CRKL: variants seen among roughly 807,000 people sequenced by gnomAD.
The protein encoded by CRKL is CRK like proto-oncogene, adaptor protein.
A neutral mutation model predicts 23.0 loss-of-function variants in CRKL; 3 were observed. That is an observed-to-expected ratio of 0.13 (90% confidence interval 0.06 to 0.34). The LOEUF (loss-of-function observed/expected upper bound fraction) is 0.34. Ranked by LOEUF, CRKL falls within the 10% of genes least tolerant of loss-of-function variation. The pLI is 1.00. For missense variants in CRKL, 256 were observed against 394.5 expected (o/e 0.65, Z 2.97); for synonymous variants, 188 against 160.7 (o/e 1.17, Z -1.28).
At position 20,917,696 on chromosome 22, in the gene CRKL, G is replaced by A; in HGVS notation, c.-239G>A. The A allele has an allele frequency of 1.8e-6, 1 of 547,214 alleles. No individual in the cohort carries two copies. Among genetic ancestry groups the A allele is most frequent in the South Asian group, 2.4e-5 (1 of 41,088 alleles). 33.9% of individuals were successfully genotyped at this position (547,214 alleles called of 1,614,324 possible). ...CGGGTTTGCCTGCCCCGACCCCCCG[G>A]CTCTGCCGTGCATTCCCGGGCGGCT... On this transcript the variant is annotated 5_prime_UTR_variant, in exon 1 of 3. Coordinates refer to ENST00000354336, the MANE Select transcript of CRKL (RefSeq NM_005207.4).
Position 20,952,616 on chromosome 22 carries a change from TC to T in CRKL, c.*2773del, listed in dbSNP as rs1728050222. Reference sequence around the variant, plus strand: ...CACTGGTCTGGGAAGACTGTTGTGCTCCATAGAGCAGTGCACATCTGACCCA... The same window carrying T: ...CACTGGTCTGGGAAGACTGTTGTGCTCATAGAGCAGTGCACATCTGACCCA... On this transcript the variant is annotated 3_prime_UTR_variant, in exon 3 of 3. Coordinates refer to ENST00000354336, the MANE Select transcript of CRKL (RefSeq NM_005207.4). 4.3e-6 allele frequency: 1 copy of T among 232,686 alleles called. No individual in the cohort carries two copies. The highest frequency in any genetic ancestry group is 5.6e-5 in the Admixed American group (1 of 17,764). 14.4% of individuals were successfully genotyped at this position (232,686 alleles called of 1,614,324 possible). A position where few individuals can be genotyped will look rare whatever the true frequency, so the allele number is the denominator to read the frequency against.
At chr22:20,942,240 C>T (rs932312104) in intron 2 of CRKL, among the ~76,000 whole-genome samples, 1 of 152,174 alleles carries the variant, frequency 6.6e-6, no homozygotes, top group Non-Finnish European at 1.5e-5. Context: ...CAGATTGTAG[C>T]ATATATCAAA....
chr22:20,925,977 A>G (rs548610962), intron 1 of CRKL, among the ~76,000 whole-genome samples: 1 of 152,344 alleles, frequency 6.6e-6, no homozygotes, highest in African/African-American at 2.4e-5. Context: ...GTCTATTGAA[A>G]AAATTAGAAT....
chr22:20,920,229 G>A (rs142333992), intron 1 of CRKL, among the ~76,000 whole-genome samples: 94 of 152,304 alleles, frequency 6.2e-4, no homozygotes, highest in Non-Finnish European at 1.1e-3. Context: ...ATGGGCGGGT[G>A]TGGTAGCTCA....
chr22:20,943,443 G>A (rs1306361026), intron 2 of CRKL, among the ~76,000 whole-genome samples: 1 of 152,042 alleles, frequency 6.6e-6, no homozygotes, highest in Non-Finnish European at 1.5e-5. Flanking sequence ...GTTTTACCAT[G>A]TTGGCCAGGC....
At chr22:20,949,620 C>T (rs1044356062) in intron 2 of CRKL, 91 bp from the exon 3 acceptor site, 1 of 1,515,922 alleles carries the variant, frequency 6.6e-7, no homozygotes, top group South Asian at 1.2e-5. Context: ...AATGTATGGG[C>T]CCTTTGGATA....
At chr22:20,941,588 A>ATATATATATATATT (rs1247116681) in intron 2 of CRKL, among the ~76,000 whole-genome samples, 2 of 33,540 alleles carry the variant, frequency 6.0e-5, no homozygotes, top group African/African-American at 2.4e-4. Flanking sequence ...GTATATATAT[A>ATATATATATATATT]TTTTTTTTTT....
At chr22:20,946,851 T>G (rs545885527) in intron 2 of CRKL, among the ~76,000 whole-genome samples, 1 of 152,284 alleles carries the variant, frequency 6.6e-6, no homozygotes, top group South Asian at 2.1e-4. Context: ...GCAAGATGGC[T>G]GCCAAGCTAC....
chr22:20,936,780 G>T (rs886697048), intron 2 of CRKL, among the ~76,000 whole-genome samples: 7 of 152,042 alleles, frequency 4.6e-5, no homozygotes, highest in Admixed American at 2.0e-4. Flanking sequence ...CTGTGGTGGG[G>T]GTCAGGGACT....
rs368146627 is a variant in CRKL, at chr22:20,952,856, GT to G, written c.*3013del. ...CTGTGTGGAACCACCTGATGACATGGTTAACGAGGAAGACGATGTGTTGACC... is the reference window on the plus strand; with the variant it reads ...CTGTGTGGAACCACCTGATGACATGGTAACGAGGAAGACGATGTGTTGACC... On this transcript the variant is annotated 3_prime_UTR_variant, in exon 3 of 3. Transcript: ENST00000354336. The G allele has an allele frequency of 1.7e-4, 40 of 231,732 alleles. No homozygotes were observed. Among genetic ancestry groups the G allele is most frequent in the African/African-American group, 6.6e-4 (30 of 45,370 alleles). 14.4% of individuals were successfully genotyped at this position (231,732 alleles called of 1,614,324 possible).
At chr22:20,944,469 A>G (rs904315867) in intron 2 of CRKL, among the ~76,000 whole-genome samples, 10 of 151,968 alleles carry the variant, frequency 6.6e-5, no homozygotes, top group African/African-American at 2.2e-4. Flanking sequence ...CAGTGGTGCA[A>G]TCTCGGCTCA....
chr22:20,931,127 T>C (rs1207867482), intron 1 of CRKL, among the ~76,000 whole-genome samples: 1 of 152,114 alleles, frequency 6.6e-6, no homozygotes, highest in African/African-American at 2.4e-5. Flanking sequence ...TAGCAGGGGC[T>C]GGGTGTGATG....
At chr22:20,942,027 A>C (rs530784042) in intron 2 of CRKL, among the ~76,000 whole-genome samples, 6 of 152,182 alleles carry the variant, frequency 3.9e-5, no homozygotes, top group Middle Eastern at 3.4e-3. Flanking sequence ...AGTAAGAAGA[A>C]CCATCAGCTA....
chr22:20,946,409 T>C (rs1449152411), intron 2 of CRKL, among the ~76,000 whole-genome samples: 1 of 152,164 alleles, frequency 6.6e-6, no homozygotes, highest in Non-Finnish European at 1.5e-5. Flanking sequence ...ATATGTGTTT[T>C]AGAGTTAATG....
intron 1 of CRKL, among the ~76,000 whole-genome samples, chr22:20,922,029 T>G (rs1335275012): frequency 6.8e-5 from 6 of 88,504 alleles, no homozygotes; most frequent in East Asian, 4.1e-4. Context: ...TTTTTTTTTT[T>G]GGTAGATGAC....
chr22:20,948,295 G>A (rs767277514), intron 2 of CRKL, among the ~76,000 whole-genome samples: 19 of 152,038 alleles, frequency 1.2e-4, no homozygotes, highest in Non-Finnish European at 2.2e-4. Flanking sequence ...ATTAGACCCC[G>A]TTTTCAGCCT....
chr22:20,948,161 G>A (rs982152442), intron 2 of CRKL, among the ~76,000 whole-genome samples: 2 of 152,260 alleles, frequency 1.3e-5, no homozygotes, highest in African/African-American at 2.4e-5. Flanking sequence ...GTTGAAGACC[G>A]CCAGACTCAC....
At chr22:20,947,303 G>T (rs1396088552) in intron 2 of CRKL, among the ~76,000 whole-genome samples, 4 of 147,398 alleles carry the variant, frequency 2.7e-5, no homozygotes, top group African/African-American at 1.0e-4. Flanking sequence ...TCTTGAACAT[G>T]TGGCCTCAAG....
chr22:20,949,659 G>C (rs2147918081), intron 2 of CRKL, 52 bp from the exon 3 acceptor site: 1 of 1,604,784 alleles, frequency 6.2e-7, no homozygotes, highest in South Asian at 1.1e-5. Flanking sequence ...AATGTAAACT[G>C]TCTTTTTCTT....
Sources: allele counts gnomAD v4.1 joint callset (sites outside exome capture counted in the v4.1 genomes callset), GRCh38; gene constraint gnomAD v4.1.1; transcripts MANE v1.5; gene names NCBI Gene and HGNC (gene_info 2026-07-23, HGNC 2026-07-21).